The following GALNT18 variants were observed in gnomAD, a reference collection of about 807,000 sequenced individuals.
GALNT18 encodes polypeptide N-acetylgalactosaminyltransferase 18, also known as GalNAc-transferase 18.
In GALNT18, 44 loss-of-function variants were observed where a neutral mutation model predicts 69.5. The observed-to-expected ratio is 0.63, with a 90% CI of 0.50 to 0.81. The LOEUF is 0.81. Among genes scored for constraint, GALNT18 ranks in the 40% least tolerant of loss-of-function variants. GALNT18 has a pLI of 0.00. For missense variants in GALNT18, 715 were observed against 810.0 expected, an observed-to-expected ratio of 0.88 and a Z score of 1.42; for synonymous variants, 364 against 318.2, an observed-to-expected ratio of 1.14 and a Z score of -1.53.
At chr11:11,506,352 T>C (rs1388474262) in intron 1 of GALNT18, among the ~76,000 whole-genome samples, 1 of 152,196 alleles carries the variant, frequency 6.6e-6, no homozygotes, top group African/African-American at 2.4e-5. Flanking sequence ...GCTTCTTTTT[T>C]CCTAAAGTGG....
rs2133686370 is a variant in GALNT18 at position 11,377,039 on chromosome 11, A to G, written c.977+143T>C. ...TCAGAGCCTGTGGCAGTGACTGAAGATCAGACTGCAGTTCCTTTCGACCCT... is the reference window on the plus strand; with the variant it reads ...TCAGAGCCTGTGGCAGTGACTGAAGGTCAGACTGCAGTTCCTTTCGACCCT... On this transcript the variant is annotated intron_variant, in intron 5 of 10. Transcript: ENST00000227756. This position sits in a 1 kb window ranked among gnomAD's most constrained non-coding sequence, Gnocchi z 4.6. The G allele has an allele frequency of 4.4e-6, 3 of 675,372 alleles. No homozygotes were observed. The East Asian group carries it at 8.0e-5, about 18-fold the overall frequency. 41.8% of individuals were successfully genotyped at this position (675,372 alleles called of 1,614,324 possible). A position where few individuals can be genotyped will look rare whatever the true frequency, so the allele number is the denominator to read the frequency against.
intron 1 of GALNT18, among the ~76,000 whole-genome samples, chr11:11,530,718 G>A (rs772822925): frequency 8.5e-5 from 13 of 152,274 alleles, no homozygotes; most frequent in South Asian, 2.1e-4. Context: ...CAGTGTTCAC[G>A]ACCCAAAGCC....
At position 11,463,337 on chromosome 11, in the gene GALNT18, A is replaced by C. The variant is rs1009871649; in HGVS notation, c.236-14401T>G. Among the ~76,000 whole-genome samples, 3 of 152,234 alleles carry C rather than the reference A, an allele frequency of 2.0e-5. No individual in the cohort carries two copies. Among genetic ancestry groups the C allele is most frequent in the African/African-American group, 7.2e-5 (3 of 41,452 alleles). ...CTCACTGCTTATAGCAAGAGCATTA[A>C]AAATGTGTCATTTCAAAGATGAGAA... On this transcript the variant is annotated intron_variant, in intron 1 of 10. Coordinates refer to ENST00000227756, the MANE Select transcript of GALNT18 (RefSeq NM_198516.3). The surrounding 1 kb of genome is among the most constrained non-coding windows in gnomAD (Gnocchi z 4.2).
Position 11,606,543 on chromosome 11 carries a change from T to C in GALNT18, c.235+14816A>G, listed in dbSNP as rs1590135228. Among the ~76,000 whole-genome samples the C allele has an allele frequency of 6.6e-6, 1 of 152,124 alleles. No individual in the cohort carries two copies. Among genetic ancestry groups the C allele is most frequent in the Middle Eastern group, 3.2e-3 (1 of 316 alleles). On this transcript the variant is annotated intron_variant, in intron 1 of 10. Coordinates refer to ENST00000227756, the MANE Select transcript of GALNT18 (RefSeq NM_198516.3). The surrounding 1 kb of genome is among the most constrained non-coding windows in gnomAD (Gnocchi z 5.4). ...GAATCATCACTCTGGTTTGAGGGGC[T>C]GAGAAGAAGCTCTGTTCCCAGATAC...
chr11:11,577,144 G>A (rs1021645312), intron 1 of GALNT18, among the ~76,000 whole-genome samples: 2 of 152,186 alleles, frequency 1.3e-5, no homozygotes, highest in East Asian at 1.9e-4. Flanking sequence ...TCTGCAGTGC[G>A]GATGAAATGA....
Position 11,396,632 on chromosome 11 carries a change from G to A in GALNT18, c.596-17368C>T, listed in dbSNP as rs148472030. On this transcript the variant is annotated intron_variant, in intron 3 of 10. Transcript: ENST00000227756. This position sits in a 1 kb window ranked among gnomAD's most constrained non-coding sequence, Gnocchi z 5.2. The stretch of plus-strand genomic sequence containing the variant: ...TTTGCACGCGGGACTCCAGTCTGGG[G>A]CAATAGTGTGGTTGGGGGCAGTAGG... Among the ~76,000 whole-genome samples the A allele has an allele frequency of 2.0e-5, 3 of 152,280 alleles. No homozygotes were observed. Among genetic ancestry groups the A allele is most frequent in the East Asian group, 1.9e-4 (1 of 5,166 alleles).
intron 7 of GALNT18, among the ~76,000 whole-genome samples, chr11:11,336,769 G>A (rs1850121570): frequency 6.6e-6 from 1 of 152,146 alleles, no homozygotes; most frequent in Non-Finnish European, 1.5e-5. Flanking sequence ...TTATGTGTCA[G>A]ACACTATCGT....
chr11:11,437,443 G>A (rs147249238), intron 2 of GALNT18, among the ~76,000 whole-genome samples: 1 of 152,252 alleles, frequency 6.6e-6, no homozygotes, highest in Non-Finnish European at 1.5e-5. Flanking sequence ...GGAGATGCAG[G>A]GATGGGGAGC....
At chr11:11,535,690 C>G (rs1435501885) in intron 1 of GALNT18, among the ~76,000 whole-genome samples, 2 of 152,350 alleles carry the variant, frequency 1.3e-5, no homozygotes, top group East Asian at 3.9e-4. Flanking sequence ...CAGCCAATCC[C>G]TGCTAGGTTT....
chr11:11,430,037 G>T lies in GALNT18; in HGVS notation c.595+2584C>A, dbSNP rs190929168. ...CACCTGTCGTCCCAGCTACTCGGGA[G>T]GCTAAGATGGGAGGATTGCTTGAGC... On this transcript the variant is annotated intron_variant, in intron 3 of 10. Coordinates refer to ENST00000227756, the MANE Select transcript of GALNT18 (RefSeq NM_198516.3). The surrounding 1 kb of genome is among the most constrained non-coding windows in gnomAD (Gnocchi z 4.9). 1.7e-4 allele frequency among the ~76,000 whole-genome samples: 26 copies of T among 152,230 alleles called. No individual in the cohort carries two copies. Among genetic ancestry groups the T allele is most frequent in the African/African-American group, 6.3e-4 (26 of 41,552 alleles).
At chr11:11,290,229 C>T (rs547402296) in intron 10 of GALNT18, among the ~76,000 whole-genome samples, 6 of 152,320 alleles carry the variant, frequency 3.9e-5, no homozygotes, top group South Asian at 4.1e-4. Flanking sequence ...GGGGCTGACG[C>T]AGGCTATGAA....
rs753353348 is a variant in GALNT18, at chr11:11,572,529, G to A, written c.235+48830C>T. On this transcript the variant is annotated intron_variant, in intron 1 of 10. Coordinates refer to ENST00000227756, the MANE Select transcript of GALNT18 (RefSeq NM_198516.3). ...GATGTGAACTTGGGCATGAGTCAGG[G>A]CCCTGGCTCCGCTACAGTCGCTCCT... 3.7e-4 allele frequency among the ~76,000 whole-genome samples: 56 copies of A among 152,142 alleles called. 1 individual carries two copies. Among genetic ancestry groups the A allele is most frequent in the Admixed American group, 1.3e-4 (2 of 15,272 alleles).
At chr11:11,477,761 C>T (rs1340803563) in intron 1 of GALNT18, among the ~76,000 whole-genome samples, 1 of 152,194 alleles carries the variant, frequency 6.6e-6, no homozygotes, top group African/African-American at 2.4e-5. Flanking sequence ...CACCCTATAG[C>T]AGAAGACTTA....
chr11:11,598,132 T>C lies in GALNT18; in HGVS notation c.235+23227A>G, dbSNP rs1859545237. Reference sequence around the variant, plus strand: ...TCTTCCACTTGCTTTAGGTTTAGTTTGCTCTTCTTTTTGCAGTTTCTTAAG... The same window carrying C: ...TCTTCCACTTGCTTTAGGTTTAGTTCGCTCTTCTTTTTGCAGTTTCTTAAG... On this transcript the variant is annotated intron_variant, in intron 1 of 10. Transcript: ENST00000227756. The surrounding 1 kb of genome is among the most constrained non-coding windows in gnomAD (Gnocchi z 4.8). 6.6e-6 allele frequency among the ~76,000 whole-genome samples: 1 copy of C among 152,142 alleles called. No homozygotes were observed. The highest frequency in any genetic ancestry group is 6.5e-5 in the Admixed American group (1 of 15,274).
intron 1 of GALNT18, among the ~76,000 whole-genome samples, chr11:11,594,983 GT>G (rs1859464476): frequency 7.3e-6 from 1 of 137,012 alleles, no homozygotes; most frequent in Non-Finnish European, 1.5e-5. Context: ...ATATACATAT[GT>G]GTGTGTGTGT....
intron 1 of GALNT18, among the ~76,000 whole-genome samples, chr11:11,453,364 C>T (rs1311125655): frequency 6.6e-6 from 1 of 152,216 alleles, no homozygotes; most frequent in Non-Finnish European, 1.5e-5. Context: ...TCTCCAGCCA[C>T]ACCGGCCACT....
chr11:11,592,586 GA>G lies in GALNT18; in HGVS notation c.235+28772del, dbSNP rs1391021849. Among the ~76,000 whole-genome samples, 1 of 152,016 alleles carries G rather than the reference GA, an allele frequency of 6.6e-6. No individual in the cohort carries two copies. Among genetic ancestry groups the G allele is most frequent in the Non-Finnish European group, 1.5e-5 (1 of 67,978 alleles). On this transcript the variant is annotated intron_variant, in intron 1 of 10. Coordinates refer to ENST00000227756, the MANE Select transcript of GALNT18 (RefSeq NM_198516.3). The surrounding 1 kb of genome is among the most constrained non-coding windows in gnomAD (Gnocchi z 5.9). ...CAAGCTCAAAACAACTTTCAGTTAC[GA>G]AAAAGGGTATAAACCGCCATTCCTT...
At chr11:11,286,225 A>G (rs1849190116) in intron 10 of GALNT18, among the ~76,000 whole-genome samples, 1 of 152,228 alleles carries the variant, frequency 6.6e-6, no homozygotes, top group African/African-American at 2.4e-5. Flanking sequence ...CCTGTTTTTA[A>G]AAATACTCAT....
intron 10 of GALNT18, among the ~76,000 whole-genome samples, chr11:11,287,006 A>T (rs1473887292): frequency 1.3e-5 from 2 of 152,108 alleles, no homozygotes; most frequent in Non-Finnish European, 2.9e-5. Context: ...CAACCTGCTG[A>T]TGGTCCCCTG....
Sources: gnomAD v4.1 joint callset for allele counts (sites outside exome capture counted in the v4.1 genomes callset) on GRCh38, gnomAD v4.1.1 for gene constraint, Gnocchi (gnomAD v3.1) non-coding constraint, MANE v1.5 for transcripts, NCBI Gene and HGNC (gene_info 2026-07-23, HGNC 2026-07-21) for gene names.